The following NREP variants were observed in gnomAD, a reference collection of about 807,000 sequenced individuals.
The protein encoded by NREP is neuronal regeneration related protein, also known as neuronal regeneration-related protein.
A neutral mutation model predicts 8.6 loss-of-function variants in NREP; 5 were observed. The ratio of observed to expected loss-of-function variants is 0.58; its 90% CI spans 0.30 to 1.22. The LOEUF is 1.22. Among genes scored for constraint, NREP ranks in the 50% most tolerant of loss-of-function variants. The pLI, the probability that NREP is intolerant of heterozygous loss-of-function variation, is 0.07. For missense variants in NREP, 86 were observed against 82.5 expected (o/e 1.04, Z -0.17); for synonymous variants, 27 against 28.0 (o/e 0.96, Z 0.11).
intron 2 of NREP, among the ~76,000 whole-genome samples, chr5:111,921,529 A>C (rs2112581236): frequency 6.6e-6 from 1 of 152,288 alleles, no homozygotes; most frequent in African/African-American, 2.4e-5. Context: ...TAAGAGGTCT[A>C]GTCCCCTCAT....
At chr5:111,899,924 A>C (rs1018747052) in intron 2 of NREP, among the ~76,000 whole-genome samples, 2 of 152,146 alleles carry the variant, frequency 1.3e-5, no homozygotes, top group Non-Finnish European at 2.9e-5. Flanking sequence ...GAAAATCAAC[A>C]AAGAAACATC....
At chr5:111,886,789 A>G (rs910606476) in intron 2 of NREP, among the ~76,000 whole-genome samples, 51 of 148,946 alleles carry the variant, frequency 3.4e-4, no homozygotes, top group African/African-American at 1.2e-3. Flanking sequence ...ACATGGACAC[A>G]GGAAGGGGAA....
intron 2 of NREP, among the ~76,000 whole-genome samples, chr5:111,818,661 A>T (rs1036108449): frequency 6.6e-6 from 1 of 152,222 alleles, no homozygotes; most frequent in Non-Finnish European, 1.5e-5. Context: ...AACAACACCA[A>T]CTGAAGAACT....
At chr5:111,938,418 G>A (rs950632719) in intron 2 of NREP, among the ~76,000 whole-genome samples, 3 of 152,052 alleles carry the variant, frequency 2.0e-5, no homozygotes, top group Admixed American at 1.3e-4. Context: ...CATGATAAGA[G>A]TATGCTCCTC....
chr5:111,822,231 G>A (rs1232875085), intron 2 of NREP, among the ~76,000 whole-genome samples: 1 of 152,154 alleles, frequency 6.6e-6, no homozygotes, highest in Non-Finnish European at 1.5e-5. Context: ...AAAGTCCAAG[G>A]TCCTGGAGAG....
intron 2 of NREP, among the ~76,000 whole-genome samples, chr5:111,946,620 C>T (rs1414662316): frequency 2.6e-5 from 4 of 151,988 alleles, no homozygotes; most frequent in East Asian, 3.9e-4. Flanking sequence ...AGCCCAGGGA[C>T]GTCCCTCAGT....
intron 2 of NREP, among the ~76,000 whole-genome samples, chr5:111,789,339 C>T (rs769608724): frequency 3.3e-5 from 5 of 152,198 alleles, no homozygotes; most frequent in Non-Finnish European, 7.3e-5. Flanking sequence ...CAAACTACCA[C>T]ATTTAATGAT....
intron 2 of NREP, among the ~76,000 whole-genome samples, chr5:111,763,432 T>C (rs1030214552): frequency 1.2e-4 from 18 of 152,370 alleles, no homozygotes; most frequent in African/African-American, 4.1e-4. Context: ...TTGAAAATTA[T>C]GGTGCTTTCA....
chr5:111,733,205 T>G (rs1447129799), intron 3 of NREP: 2 of 152,334 alleles, frequency 1.3e-5, no homozygotes, highest in Non-Finnish European at 2.9e-5. Context: ...TCTATTCGAT[T>G]TCAAGCTTAG....
intron 3 of NREP, chr5:111,733,271 T>A (rs1748771931): frequency 6.6e-6 from 1 of 152,204 alleles, no homozygotes; most frequent in Non-Finnish European, 1.5e-5. Context: ...CTTCATTAAC[T>A]TGCTGTGTGG....
intron 2 of NREP, among the ~76,000 whole-genome samples, chr5:111,910,669 A>C (rs974248302): frequency 3.3e-5 from 5 of 152,058 alleles, no homozygotes; most frequent in Admixed American, 2.0e-4. Flanking sequence ...TGTGGAGCTG[A>C]GGAACTTGGC....
intron 2 of NREP, among the ~76,000 whole-genome samples, chr5:111,897,951 T>A (rs80010543): frequency 0.02 from 3,027 of 152,310 alleles, 49 homozygotes; most frequent in Non-Finnish European, 0.027. Context: ...GAATTTTTTC[T>A]TATTAATAGC....
chr5:111,827,808 A>C (rs1752663506), intron 2 of NREP, among the ~76,000 whole-genome samples: 1 of 151,966 alleles, frequency 6.6e-6, no homozygotes, highest in African/African-American at 2.4e-5. Context: ...ATGCCACTGC[A>C]CTCCAGCCTG....
chr5:111,911,902 C>T (rs1754923016), intron 2 of NREP, among the ~76,000 whole-genome samples: 1 of 152,172 alleles, frequency 6.6e-6, no homozygotes, highest in East Asian at 1.9e-4. Context: ...GTGCCCACCA[C>T]CATCCTATAA....
intron 2 of NREP, among the ~76,000 whole-genome samples, chr5:111,818,709 G>C (rs1752448192): frequency 6.6e-6 from 1 of 152,200 alleles, no homozygotes; most frequent in Non-Finnish European, 1.5e-5. Flanking sequence ...ACACTCTCAT[G>C]CATATGCATG....
intron 2 of NREP, among the ~76,000 whole-genome samples, chr5:111,780,861 A>G (rs1363227077): frequency 6.6e-6 from 1 of 151,738 alleles, no homozygotes; most frequent in Non-Finnish European, 1.5e-5. Context: ...ACACATTGCC[A>G]TCAAGAAATA....
At chr5:111,776,204 C>G (rs1271942468) in intron 2 of NREP, among the ~76,000 whole-genome samples, 1 of 152,066 alleles carries the variant, frequency 6.6e-6, no homozygotes, top group Non-Finnish European at 1.5e-5. Flanking sequence ...AATTTTTCCT[C>G]TAGATAAACT....
At chr5:111,865,638 A>G (rs73787704) in intron 2 of NREP, among the ~76,000 whole-genome samples, 10,161 of 152,192 alleles carry the variant, frequency 0.067, 757 homozygotes, top group East Asian at 0.26. Context: ...AATAGTTATG[A>G]CTTAGCCTAA....
At chr5:111,910,074 C>T (rs1248839466) in intron 2 of NREP, among the ~76,000 whole-genome samples, 1 of 152,052 alleles carries the variant, frequency 6.6e-6, no homozygotes, top group African/African-American at 2.4e-5. Context: ...TGCAAGAGAA[C>T]ATATATTACT....
Sources: allele counts gnomAD v4.1 joint callset (sites outside exome capture counted in the v4.1 genomes callset), GRCh38; gene constraint gnomAD v4.1.1; transcripts MANE v1.5; gene names NCBI Gene and HGNC (gene_info 2026-07-23, HGNC 2026-07-21).